ATXN1: variants seen among roughly 807,000 people sequenced by gnomAD.
The protein encoded by ATXN1 is ataxin-1.
ATXN1 carries 8 observed loss-of-function variants against 56.4 expected under a neutral mutation model. That is an observed-to-expected ratio of 0.14 (90% CI 0.08 to 0.26). ATXN1 has a LOEUF of 0.26. Among genes scored for constraint, ATXN1 ranks in the 10% least tolerant of loss-of-function variants. The pLI is 1.00. For synonymous variants in ATXN1, 514 were observed against 494.6 expected, an observed-to-expected ratio of 1.04 and a Z score of -0.52; for missense variants, 987 against 1,106.5, an observed-to-expected ratio of 0.89 and a Z score of 1.53.
intron 2 of ATXN1, among the ~76,000 whole-genome samples, chr6:16,718,400 G>A (rs1288600649): frequency 1.3e-5 from 2 of 152,200 alleles, no homozygotes; most frequent in Admixed American, 6.5e-5. Flanking sequence ...AACTGCAACG[G>A]AGCAAGAATG....
chr6:16,391,652 G>A (rs1026938030), intron 6 of ATXN1, among the ~76,000 whole-genome samples: 9 of 152,160 alleles, frequency 5.9e-5, no homozygotes, highest in Non-Finnish European at 1.2e-4. Context: ...GCAAACAACT[G>A]GCAAGAGAGA....
At chr6:16,388,891 GA>G (rs1281582334) in intron 6 of ATXN1, among the ~76,000 whole-genome samples, 1 of 152,152 alleles carries the variant, frequency 6.6e-6, no homozygotes, top group African/African-American at 2.4e-5. Flanking sequence ...ATGACTGTAA[GA>G]AATATATAAT....
chr6:16,430,285 T>A (rs2113580161), intron 6 of ATXN1, among the ~76,000 whole-genome samples: 1 of 150,712 alleles, frequency 6.6e-6, no homozygotes, highest in South Asian at 2.1e-4. Context: ...GGCTATATGA[T>A]TTGTGCAACA....
chr6:16,440,263 A>C (rs1452395995), intron 6 of ATXN1, among the ~76,000 whole-genome samples: 3 of 151,998 alleles, frequency 2.0e-5, no homozygotes, highest in Non-Finnish European at 4.4e-5. Flanking sequence ...CTTACCACAG[A>C]GACATGCCCC....
chr6:16,671,345 G>A (rs1758538159), intron 2 of ATXN1, among the ~76,000 whole-genome samples: 1 of 147,112 alleles, frequency 6.8e-6, no homozygotes, highest in African/African-American at 2.5e-5. Context: ...AACAGAATAA[G>A]AGAAGTACAA....
chr6:16,385,193 A>AG (rs538250487), intron 6 of ATXN1, among the ~76,000 whole-genome samples: 178 of 152,322 alleles, frequency 1.2e-3, no homozygotes, highest in African/African-American at 4.1e-3. Flanking sequence ...GCATGCCAGG[A>AG]GGGGAGGAAG....
At chr6:16,713,246 A>C in intron 2 of ATXN1, among the ~76,000 whole-genome samples, 1 of 152,232 alleles carries the variant, frequency 6.6e-6, no homozygotes, top group African/African-American at 2.4e-5. Flanking sequence ...ATAAGTTTCA[A>C]TACAATTGCG....
At position 16,320,847 on chromosome 6, in the gene ATXN1, T is replaced by C. The variant is rs9383152; in HGVS notation, c.1917+5547A>G. 9.0e-3 allele frequency among the ~76,000 whole-genome samples: 1,365 copies of C among 151,870 alleles called. 53 individuals carry two copies. The East Asian group carries it at 0.1, about 11-fold the overall frequency. On this transcript the variant is annotated intron_variant, in intron 7 of 7. Transcript: ENST00000436367. ...TTAGAAACAGGAACGGCGGGAAGGG[T>C]GCTCGCCTCGGCCACTCGCGGGATT...
intron 7 of ATXN1, among the ~76,000 whole-genome samples, chr6:16,316,430 A>C (rs1022596922): frequency 2.0e-5 from 3 of 152,102 alleles, no homozygotes; most frequent in Admixed American, 6.6e-5. Context: ...ACTTCCTAGC[A>C]AGTAATAGGT....
rs1004099445 is a variant in ATXN1, at chr6:16,760,254, C to T, written c.-730+1044G>A. On this transcript the variant is annotated intron_variant, in intron 1 of 7. Transcript: ENST00000436367. This position sits in a 1 kb window ranked among gnomAD's most constrained non-coding sequence, Gnocchi z 5.3. ...CCTCCTCCGCGGCGGCCGCCGCCTCCTCCTCCTTCCCCTCCTCCTGGCTTC... is the reference window on the plus strand; with the variant it reads ...CCTCCTCCGCGGCGGCCGCCGCCTCTTCCTCCTTCCCCTCCTCCTGGCTTC... Among the ~76,000 whole-genome samples the T allele has an allele frequency of 2.0e-5, 3 of 152,014 alleles. No individual in the cohort carries two copies. The highest frequency in any genetic ancestry group is 1.3e-4 in the Admixed American group (2 of 15,274).
In ATXN1 at chr6:16,534,107, G is replaced by A. The variant is rs147124544; in HGVS notation, c.-360-11419C>T. On this transcript the variant is annotated intron_variant, in intron 4 of 7. Coordinates refer to ENST00000436367, the MANE Select transcript of ATXN1 (RefSeq NM_001128164.2). ...ATGACACTGATGACTACCTTCAGGTGACAACAGGTTTCCCCATGCTGCCAA... is the reference window on the plus strand; with the variant it reads ...ATGACACTGATGACTACCTTCAGGTAACAACAGGTTTCCCCATGCTGCCAA... 2.7e-3 allele frequency among the ~76,000 whole-genome samples: 410 copies of A among 152,232 alleles called. 3 individuals carry two copies. The highest frequency in any genetic ancestry group is 9.5e-3 in the African/African-American group (394 of 41,532).
intron 2 of ATXN1, among the ~76,000 whole-genome samples, chr6:16,708,229 G>A (rs1211125045): frequency 1.3e-5 from 2 of 152,132 alleles, no homozygotes; most frequent in African/African-American, 4.8e-5. Context: ...GACATCCTAG[G>A]CTGGCAAAAG....
intron 1 of ATXN1, chr6:16,754,865 T>C (rs1760841115): frequency 6.6e-6 from 1 of 152,008 alleles, no homozygotes; most frequent in Non-Finnish European, 1.5e-5. Flanking sequence ...AATGGCCAAG[T>C]TAAGTAGAAG....
intron 6 of ATXN1, among the ~76,000 whole-genome samples, chr6:16,467,665 C>A (rs1241629653): frequency 6.6e-6 from 1 of 152,222 alleles, no homozygotes; most frequent in Non-Finnish European, 1.5e-5. Flanking sequence ...TATGGGCATA[C>A]ATTCACTATA....
chr6:16,456,238 A>G (rs1229745554), intron 6 of ATXN1, among the ~76,000 whole-genome samples: 1 of 152,196 alleles, frequency 6.6e-6, no homozygotes, highest in Non-Finnish European at 1.5e-5. Context: ...GGCTGGAACC[A>G]ACTCTGGACA....
At chr6:16,383,839 A>C (rs1238916368) in intron 6 of ATXN1, among the ~76,000 whole-genome samples, 1 of 152,236 alleles carries the variant, frequency 6.6e-6, no homozygotes, top group Non-Finnish European at 1.5e-5. Flanking sequence ...TCATGAATGT[A>C]GTGCCAGCTA....
intron 6 of ATXN1, among the ~76,000 whole-genome samples, chr6:16,442,786 T>C (rs1581765512): frequency 6.6e-6 from 1 of 151,006 alleles, no homozygotes; most frequent in African/African-American, 2.4e-5. Flanking sequence ...CCAAGGCGGG[T>C]GGATCACTTG....
chr6:16,612,333 AC>A lies in ATXN1; in HGVS notation c.-488-26427del, dbSNP rs564122230. 3.9e-5 allele frequency among the ~76,000 whole-genome samples: 6 copies of A among 152,314 alleles called. No homozygotes were observed. In the East Asian group the frequency reaches 1.2e-3, roughly 29 times the overall value. ...ATTGGAACATAAAATAAATTTTACTACCTTTCAATATTCTGTGACCACAATG... is the reference window on the plus strand; with the variant it reads ...ATTGGAACATAAAATAAATTTTACTACTTTCAATATTCTGTGACCACAATG... On this transcript the variant is annotated intron_variant, in intron 3 of 7. Transcript: ENST00000436367.
chr6:16,658,566 T>C (rs932092799), intron 2 of ATXN1, among the ~76,000 whole-genome samples: 1 of 152,218 alleles, frequency 6.6e-6, no homozygotes, highest in African/African-American at 2.4e-5. Flanking sequence ...GAGCAGCTGA[T>C]AAAGCCTACA....
Sources: gnomAD v4.1 joint callset for allele counts (sites outside exome capture counted in the v4.1 genomes callset) on GRCh38, gnomAD v4.1.1 for gene constraint, Gnocchi (gnomAD v3.1) non-coding constraint, MANE v1.5 for transcripts, NCBI Gene and HGNC (gene_info 2026-07-23, HGNC 2026-07-21) for gene names.